Variants in ARHGAP28 observed in about 807,000 individuals in gnomAD.
ARHGAP28 encodes Rho GTPase activating protein 28.
A neutral mutation model predicts 90.7 loss-of-function variants in ARHGAP28; 56 were observed. The observed-to-expected ratio is 0.62, with a 90% confidence interval of 0.50 to 0.77. The LOEUF is 0.77. Ranked by LOEUF, ARHGAP28 falls within the 30% of genes least tolerant of loss-of-function variation. The pLI, the probability that ARHGAP28 is intolerant of heterozygous loss-of-function variation, is 0.00. For synonymous variants in ARHGAP28, 308 were observed against 323.3 expected, an observed-to-expected ratio of 0.95 and a Z score of 0.51; for missense variants, 869 against 900.9, an observed-to-expected ratio of 0.96 and a Z score of 0.45.
At chr18:6,885,672 T>C (rs1272413306) in intron 11 of ARHGAP28, among the ~76,000 whole-genome samples, 1 of 152,148 alleles carries the variant, frequency 6.6e-6, no homozygotes, top group Non-Finnish European at 1.5e-5. Context: ...GTTTCCTAAG[T>C]AAAATGAAAA....
At chr18:6,754,624 C>T (rs2056095109) in intron 1 of ARHGAP28, 1 of 152,070 alleles carries the variant, frequency 6.6e-6, no homozygotes. Flanking sequence ...CTTAATGCTT[C>T]AGGGCATATG....
chr18:6,889,477 C>A (rs1314014805), intron 12 of ARHGAP28, among the ~76,000 whole-genome samples: 1 of 152,170 alleles, frequency 6.6e-6, no homozygotes, highest in Non-Finnish European at 1.5e-5. Flanking sequence ...TTTTCAACAG[C>A]AATGCTTTAA....
At chr18:6,758,048 G>A (rs556591781) in intron 1 of ARHGAP28, among the ~76,000 whole-genome samples, 31 of 152,278 alleles carry the variant, frequency 2.0e-4, no homozygotes, top group African/African-American at 7.5e-4. Flanking sequence ...TTTTTGTGCT[G>A]TATTAAATAG....
At chr18:6,801,428 CATAAT>C (rs1402366524) in intron 1 of ARHGAP28, among the ~76,000 whole-genome samples, 3 of 152,136 alleles carry the variant, frequency 2.0e-5, no homozygotes, top group South Asian at 2.1e-4. Context: ...TCTTGAGACA[CATAAT>C]ATAAGTGTGC....
chr18:6,754,757 C>G (rs1457397106), intron 1 of ARHGAP28: 2 of 152,094 alleles, frequency 1.3e-5, no homozygotes, highest in African/African-American at 2.4e-5. Context: ...CCTGAATTTG[C>G]CAGCTAAGTT....
intron 3 of ARHGAP28, among the ~76,000 whole-genome samples, chr18:6,844,144 G>A (rs373566207): frequency 6.6e-6 from 1 of 152,010 alleles, no homozygotes; most frequent in Admixed American, 6.6e-5. Context: ...TGGAATTGAT[G>A]TACAACTGAC....
At position 6,896,527 on chromosome 18, in the gene ARHGAP28, G is replaced by A. The variant is rs752400493; in HGVS notation, c.1931G>A (p.Arg644Gln). ...TCTGACGTGCCGGAAGGAGTCATAC[G>A]GGTCCATGCTCCACTTCTCTCCAAG... ...RMSDVPEGVI[R>Q]VHAPLLSKVS... Residue 644 changes from arginine to glutamine, a missense_variant, in exon 16 of 18, where the codon CGG becomes CAG. Transcript: ENST00000383472. 18 of 1,613,896 alleles carry A rather than the reference G, an allele frequency of 1.1e-5. No homozygotes were observed. The African/African-American group carries it at 1.5e-4, about 13-fold the overall frequency.
intron 14 of ARHGAP28, 117 bp downstream of exon 14, chr18:6,890,660 G>A: frequency 1.7e-6 from 1 of 603,414 alleles, no homozygotes; most frequent in Non-Finnish European, 2.8e-6. Context: ...AAGGATCAGG[G>A]AGTGTTGTAA....
rs376104358 is a variant in ARHGAP28 at position 6,912,008 on chromosome 18, C to T, written c.2096-52C>T. On this transcript the variant is annotated intron_variant, in intron 17 of 17. Transcript: ENST00000383472. ...ACACACAGACACATATGTGTGCGCA[C>T]GCACACACACACAAATGTACACTAA... The T allele has an allele frequency of 4.3e-5, 52 of 1,215,376 alleles. 1 individual carries two copies. The highest frequency in any genetic ancestry group is 1.9e-4 in the Middle Eastern group (1 of 5,258). The allele number at this position is 1,215,376 out of a possible 1,614,324, so 75.3% of individuals were successfully genotyped here.
At chr18:6,829,261 A>G (rs922194265) in intron 2 of ARHGAP28, among the ~76,000 whole-genome samples, 1 of 152,186 alleles carries the variant, frequency 6.6e-6, no homozygotes. Context: ...CTAGCTAGCT[A>G]TTCATATTAA....
intron 6 of ARHGAP28, among the ~76,000 whole-genome samples, chr18:6,869,159 C>T (rs2057061483): frequency 6.6e-6 from 1 of 151,850 alleles, no homozygotes; most frequent in Non-Finnish European, 1.5e-5. Flanking sequence ...TTTATAGATC[C>T]ATAGGTAGTT....
At chr18:6,811,938 A>G (rs2056560051) in intron 1 of ARHGAP28, among the ~76,000 whole-genome samples, 1 of 152,110 alleles carries the variant, frequency 6.6e-6, no homozygotes, top group Admixed American at 6.6e-5. Flanking sequence ...TTGGCTGGAG[A>G]CAGACATTTT....
intron 2 of ARHGAP28, among the ~76,000 whole-genome samples, chr18:6,833,189 A>T (rs2143832467): frequency 6.6e-6 from 1 of 152,166 alleles, no homozygotes; most frequent in Non-Finnish European, 1.5e-5. Context: ...TGCCATCCTG[A>T]TGCTCTATCA....
At chr18:6,791,838 G>GT (rs1567948928) in intron 1 of ARHGAP28, among the ~76,000 whole-genome samples, 86 of 148,644 alleles carry the variant, frequency 5.8e-4, no homozygotes, top group Admixed American at 2.2e-3. Flanking sequence ...TTAATTTGTG[G>GT]GTTTTTTTTG....
intron 1 of ARHGAP28, among the ~76,000 whole-genome samples, chr18:6,758,217 C>T (rs1333457444): frequency 6.6e-6 from 1 of 152,108 alleles, no homozygotes; most frequent in Non-Finnish European, 1.5e-5. Flanking sequence ...ATAATAAAAC[C>T]ATCAGATGAG....
Position 6,841,177 on chromosome 18 carries a change from TCTCCTCTCTCTCTCTCTCTCTCTCTC to T in ARHGAP28, c.543+3767_543+3792del, listed in dbSNP as rs1567966523. On this transcript the variant is annotated intron_variant, in intron 3 of 17. Coordinates refer to ENST00000383472, the MANE Select transcript of ARHGAP28 (RefSeq NM_001366230.1). ...CCTCTTTCTCTCTCTCCTCTCTCTCTCTCCTCTCTCTCTCTCTCTCTCTCTCCTCTCCTCTCTCTCTCTCTCCCCCC... is the reference window on the plus strand; with the variant it reads ...CCTCTTTCTCTCTCTCCTCTCTCTCTCTCTCCTCTCTCTCTCTCTCCCCCC... 1.4e-4 allele frequency among the ~76,000 whole-genome samples: 10 copies of T among 73,202 alleles called. 1 individual carries two copies. The highest frequency in any genetic ancestry group is 6.1e-4 in the African/African-American group (9 of 14,820). The allele number at this position is 73,202 out of a possible 152,430, so 48.0% of individuals were successfully genotyped here.
In ARHGAP28 at chr18:6,851,038, G is replaced by A. The variant is rs375800921; in HGVS notation, c.548G>A (p.Arg183His). The change falls in exon 4 of 18, where the codon CGT (arginine) becomes CAT (histidine). Residue 183 changes from arginine to histidine, a missense_variant. Coordinates refer to ENST00000383472, the MANE Select transcript of ARHGAP28 (RefSeq NM_001366230.1). Reference sequence around the variant, plus strand: ...GGCTTTCATTTCTTCCGTTAGCCTCGTGATACCTGTGGCAACCACACTAAT... The same window carrying A: ...GGCTTTCATTTCTTCCGTTAGCCTCATGATACCTGTGGCAACCACACTAAT... ...DIFGVSESPPRDTCGNHTNQL... is the reference protein window; with the variant it reads ...DIFGVSESPPHDTCGNHTNQL... 2.0e-5 allele frequency: 32 copies of A among 1,613,874 alleles called. No homozygotes were observed. Among genetic ancestry groups the A allele is most frequent in the African/African-American group, 1.2e-4 (9 of 74,868 alleles).
At chr18:6,821,899 C>T (rs1178559116) in intron 1 of ARHGAP28, among the ~76,000 whole-genome samples, 6 of 152,160 alleles carry the variant, frequency 3.9e-5, no homozygotes, top group African/African-American at 1.2e-4. Context: ...GTATCTTCCC[C>T]TTGTCTTCTG....
intron 1 of ARHGAP28, among the ~76,000 whole-genome samples, chr18:6,777,724 C>T (rs182215237): frequency 7.8e-4 from 118 of 151,326 alleles, no homozygotes; most frequent in Admixed American, 1.7e-3. Flanking sequence ...GACCCTGTCT[C>T]AATGAATGAA....
Sources: allele counts gnomAD v4.1 joint callset (sites outside exome capture counted in the v4.1 genomes callset), GRCh38; gene constraint gnomAD v4.1.1; transcripts MANE v1.5; gene names NCBI Gene and HGNC (gene_info 2026-07-23, HGNC 2026-07-21).